GRIK4: variants seen among roughly 807,000 people sequenced by gnomAD.
GRIK4 encodes glutamate receptor ionotropic, kainate 4.
In GRIK4, 40 loss-of-function variants were observed where a neutral mutation model predicts 104.9. That is an observed-to-expected ratio of 0.38 (90% confidence interval 0.30 to 0.50). The LOEUF (loss-of-function observed/expected upper bound fraction) is 0.50. GRIK4 is among the 20% of genes least tolerant of loss of function. The pLI is 0.93. For synonymous variants in GRIK4, 485 were observed against 524.9 expected, an observed-to-expected ratio of 0.92 and a Z score of 1.04; for missense variants, 1,047 against 1,308.1, an observed-to-expected ratio of 0.80 and a Z score of 3.08.
chr11:120,875,471 G>T (rs1386082409), intron 11 of GRIK4, among the ~76,000 whole-genome samples: 1 of 152,204 alleles, frequency 6.6e-6, no homozygotes, highest in Non-Finnish European at 1.5e-5. Flanking sequence ...GAGAACTGGG[G>T]TGAAAGGGGA....
At chr11:120,876,412 T>A (rs1033672956) in intron 11 of GRIK4, among the ~76,000 whole-genome samples, 1 of 4,192 alleles carries the variant, frequency 2.4e-4, no homozygotes, top group African/African-American at 8.3e-4. Context: ...ACAACCACCA[T>A]TGTCATCATT....
At chr11:120,816,535 C>T (rs1952965667) in intron 5 of GRIK4, among the ~76,000 whole-genome samples, 1 of 152,110 alleles carries the variant, frequency 6.6e-6, no homozygotes, top group Non-Finnish European at 1.5e-5. Flanking sequence ...ACACTTGCTG[C>T]AGGAGGGACT....
chr11:120,625,008 G>A (rs1949239701), intron 1 of GRIK4, among the ~76,000 whole-genome samples: 1 of 152,200 alleles, frequency 6.6e-6, no homozygotes. Flanking sequence ...TTAAGGCCGG[G>A]CGCGGTGGCT....
intron 3 of GRIK4, among the ~76,000 whole-genome samples, chr11:120,725,759 C>T (rs539032684): frequency 6.6e-6 from 1 of 152,004 alleles, no homozygotes; most frequent in African/African-American, 2.4e-5. Flanking sequence ...AAAAAAAAAT[C>T]TATGGAACTA....
intron 1 of GRIK4, among the ~76,000 whole-genome samples, chr11:120,528,308 T>G (rs1947882612): frequency 6.6e-6 from 1 of 152,064 alleles, no homozygotes; most frequent in South Asian, 2.1e-4. Context: ...AGATGGGGTT[T>G]CACAGTGTTA....
intron 19 of GRIK4, among the ~76,000 whole-genome samples, chr11:120,972,660 G>A (rs1944494109): frequency 6.6e-6 from 1 of 152,152 alleles, no homozygotes; most frequent in Non-Finnish European, 1.5e-5. Context: ...CTGGGAGCCG[G>A]AGAGAGGCAG....
intron 8 of GRIK4, among the ~76,000 whole-genome samples, chr11:120,851,466 C>T (rs903966662): frequency 2.6e-5 from 4 of 152,160 alleles, no homozygotes; most frequent in South Asian, 2.1e-4. Flanking sequence ...CCACCTTATA[C>T]GTGCCATGCC....
chr11:120,612,011 G>A (rs770522787), intron 1 of GRIK4, among the ~76,000 whole-genome samples: 29 of 152,184 alleles, frequency 1.9e-4, no homozygotes, highest in Non-Finnish European at 3.4e-4. Flanking sequence ...TTGCAGGGCC[G>A]ATTGTAACTT....
Position 120,936,115 on chromosome 11 carries a change from C to G in GRIK4, c.1477-4232C>G, listed in dbSNP as rs1370285257. The G allele has an allele frequency of 1.5e-5, 3 of 204,648 alleles. No homozygotes were observed. The South Asian group carries it at 2.0e-4, about 13-fold the overall frequency. The allele number at this position is 204,648 out of a possible 1,614,324, so 12.7% of individuals were successfully genotyped here. A position where few individuals can be genotyped will look rare whatever the true frequency, so the allele number is the denominator to read the frequency against. ...TGTTTTCCGCCTCTTCCTTTTTTTTCCTTGCTTTTTTCAGCCCCGATAACT... is the reference window on the plus strand; with the variant it reads ...TGTTTTCCGCCTCTTCCTTTTTTTTGCTTGCTTTTTTCAGCCCCGATAACT... On this transcript the variant is annotated intron_variant, in intron 13 of 20. Transcript: ENST00000527524.
chr11:120,796,121 T>C (rs948106607), intron 3 of GRIK4, among the ~76,000 whole-genome samples: 3 of 151,210 alleles, frequency 2.0e-5, no homozygotes, highest in African/African-American at 7.3e-5. Flanking sequence ...CTGCAGGCTC[T>C]GCCTCCCAGG....
intron 1 of GRIK4, among the ~76,000 whole-genome samples, chr11:120,610,368 T>A (rs1949019455): frequency 1.3e-5 from 2 of 152,254 alleles, no homozygotes; most frequent in Non-Finnish European, 2.9e-5. Context: ...AGACAAAATA[T>A]ACACTCAGAG....
At chr11:120,943,636 G>T (rs1215067942) in intron 14 of GRIK4, among the ~76,000 whole-genome samples, 1 of 152,120 alleles carries the variant, frequency 6.6e-6, no homozygotes, top group Non-Finnish European at 1.5e-5. Flanking sequence ...TTCTCTAATT[G>T]TTATCTGTGA....
chr11:120,890,430 C>T (rs765523098), intron 11 of GRIK4, among the ~76,000 whole-genome samples: 7 of 152,182 alleles, frequency 4.6e-5, no homozygotes, highest in Non-Finnish European at 1.0e-4. Flanking sequence ...GAAGTGACTC[C>T]CTTCAGGACT....
At chr11:120,900,389 A>G (rs1351396743) in intron 12 of GRIK4, among the ~76,000 whole-genome samples, 1 of 152,106 alleles carries the variant, frequency 6.6e-6, no homozygotes, top group Non-Finnish European at 1.5e-5. Flanking sequence ...TCATTCATTC[A>G]TTTATTTATG....
At chr11:120,984,541 G>C (rs901781785) in intron 20 of GRIK4, among the ~76,000 whole-genome samples, 2 of 152,154 alleles carry the variant, frequency 1.3e-5, no homozygotes, top group African/African-American at 4.8e-5. Context: ...GGCCGAGGCA[G>C]GTGAATCATG....
At chr11:120,752,894 G>C (rs559251620) in intron 3 of GRIK4, among the ~76,000 whole-genome samples, 1 of 152,360 alleles carries the variant, frequency 6.6e-6, no homozygotes, top group Admixed American at 6.5e-5. Flanking sequence ...AGTCAGAGGA[G>C]GCTCCCTCCA....
chr11:120,893,547 T>C (rs57833493), intron 11 of GRIK4, among the ~76,000 whole-genome samples: 9,640 of 152,296 alleles, frequency 0.063, 1,006 homozygotes, highest in East Asian at 0.52. Flanking sequence ...GCTTTCCTTA[T>C]GAATACAGTG....
rs1469314663 is a variant in GRIK4, at chr11:120,986,148, G to A, written c.2759G>A (p.Arg920His). ...GTGGCCCGCGGCTGCACGCACATCC[G>A]CGTCTGCCCCGAGTGCCGCCGCTTC... is the stretch of plus-strand genomic sequence containing the variant. ...ALVARGCTHI[R>H]VCPECRRFQG... Residue 920 changes from arginine to histidine, a missense_variant, in exon 21 of 21, where the codon CGC becomes CAC. By Grantham distance (29) the Arg-to-His change is conservative. Around this residue, in one of 3 missense-constraint regions of GRIK4, gnomAD observed 160 missense variants for 140.9 expected, o/e 1.14. Coordinates refer to ENST00000527524, the MANE Select transcript of GRIK4 (RefSeq NM_014619.5). 2 of 1,535,014 alleles carry A rather than the reference G, an allele frequency of 1.3e-6. No homozygotes were observed. The highest frequency in any genetic ancestry group is 1.2e-5 in the South Asian group (1 of 84,166).
intron 3 of GRIK4, among the ~76,000 whole-genome samples, chr11:120,736,718 G>A (rs1405678963): frequency 1.3e-5 from 2 of 151,938 alleles, no homozygotes; most frequent in African/African-American, 2.4e-5. Flanking sequence ...AAGAGGTAAG[G>A]TTGTAGATCT....
Sources: gnomAD v4.1 joint callset for allele counts (sites outside exome capture counted in the v4.1 genomes callset) on GRCh38, gnomAD v4.1.1 for gene constraint, gnomAD v4.1.1 regional missense constraint, MANE v1.5 for transcripts, NCBI Gene and HGNC (gene_info 2026-07-23, HGNC 2026-07-21) for gene names.